HLF: variants seen among roughly 807,000 people sequenced by gnomAD.
The protein encoded by HLF is HLF transcription factor, PAR bZIP family member, also known as hepatic leukemia factor.
HLF carries 3 observed loss-of-function variants against 22.6 expected under a neutral mutation model. The observed-to-expected ratio is 0.13, with a 90% CI of 0.06 to 0.34. The LOEUF is 0.34. Among genes scored for constraint, HLF ranks in the 10% least tolerant of loss-of-function variants. The pLI, the probability that HLF is intolerant of heterozygous loss-of-function variation, is 1.00. For missense variants in HLF, 299 were observed against 389.2 expected, an observed-to-expected ratio of 0.77 and a Z score of 1.95; for synonymous variants, 151 against 151.8, an observed-to-expected ratio of 0.99 and a Z score of 0.04.
intron 2 of HLF, among the ~76,000 whole-genome samples, chr17:55,294,628 A>G (rs944627637): frequency 6.6e-6 from 1 of 152,180 alleles, no homozygotes; most frequent in African/African-American, 2.4e-5. Context: ...CCATGTGGGG[A>G]TGTGGCCTCT....
rs575718156 is a variant in HLF at position 55,312,353 on chromosome 17, A to T, written c.452-2874A>T. Among the ~76,000 whole-genome samples, 30 of 152,294 alleles carry T rather than the reference A, an allele frequency of 2.0e-4. No homozygotes were observed. In the South Asian group the frequency reaches 4.8e-3, roughly 24 times the overall value. The stretch of plus-strand genomic sequence containing the variant: ...GTTATTTCTTGACTTTTTAATAGCC[A>T]TTCTGGCAGTATGTTTAAAAATATA... On this transcript the variant is annotated intron_variant, in intron 2 of 3. Coordinates refer to ENST00000226067, the MANE Select transcript of HLF (RefSeq NM_002126.5).
In HLF at chr17:55,265,429, G is replaced by A. The variant is rs889798803; in HGVS notation, c.-56G>A. The A allele has an allele frequency of 1.4e-6, 1 of 725,040 alleles. No homozygotes were observed. The allele number at this position is 725,040 out of a possible 1,614,324, so 44.9% of individuals were successfully genotyped here. A position where few individuals can be genotyped will look rare whatever the true frequency, so the allele number is the denominator to read the frequency against. On this transcript the variant is annotated 5_prime_UTR_variant, in exon 1 of 4. Coordinates refer to ENST00000226067, the MANE Select transcript of HLF (RefSeq NM_002126.5). Reference sequence around the variant, plus strand: ...GAAAAGCTCAGCAACATTTTAGGGGGCGGTTGTTTCTTTCTTATTTCTTTT... The same window carrying A: ...GAAAAGCTCAGCAACATTTTAGGGGACGGTTGTTTCTTTCTTATTTCTTTT...
chr17:55,297,810 C>T (rs1298022727), intron 2 of HLF, among the ~76,000 whole-genome samples: 8 of 127,754 alleles, frequency 6.3e-5, no homozygotes, highest in African/African-American at 1.9e-4. Flanking sequence ...AGTGCAATGG[C>T]GCGACCTCAG....
chr17:55,293,918 C>G (rs1379381997), intron 2 of HLF, among the ~76,000 whole-genome samples: 2 of 152,166 alleles, frequency 1.3e-5, no homozygotes, highest in East Asian at 3.9e-4. Context: ...ATATGCACCT[C>G]TGGGGAGGCC....
intron 2 of HLF, among the ~76,000 whole-genome samples, chr17:55,284,228 A>G: frequency 6.6e-6 from 1 of 152,220 alleles, no homozygotes; most frequent in South Asian, 2.1e-4. Flanking sequence ...ATAATCAACC[A>G]GTTGCAATTT....
chr17:55,299,015 A>T (rs1252233485), intron 2 of HLF, among the ~76,000 whole-genome samples: 1 of 152,214 alleles, frequency 6.6e-6, no homozygotes, highest in African/African-American at 2.4e-5. Flanking sequence ...TCTTCCCATG[A>T]TACCTCATCA....
At chr17:55,295,836 CA>C (rs2081107194) in intron 2 of HLF, among the ~76,000 whole-genome samples, 1 of 152,182 alleles carries the variant, frequency 6.6e-6, no homozygotes, top group African/African-American at 2.4e-5. Context: ...GAAAAGACAA[CA>C]GGGAAATAGC....
At chr17:55,279,570 C>T (rs1462268878) in intron 2 of HLF, among the ~76,000 whole-genome samples, 1 of 151,786 alleles carries the variant, frequency 6.6e-6, no homozygotes, top group Non-Finnish European at 1.5e-5. Context: ...CCCATCTCTA[C>T]ATTATATATA....
intron 2 of HLF, among the ~76,000 whole-genome samples, chr17:55,293,558 A>G (rs2081085659): frequency 6.6e-6 from 1 of 152,200 alleles, no homozygotes; most frequent in Non-Finnish European, 1.5e-5. Flanking sequence ...TGAGGTTTAT[A>G]TGTGTTATAT....
At chr17:55,301,713 A>G (rs1231127987) in intron 2 of HLF, among the ~76,000 whole-genome samples, 1 of 152,224 alleles carries the variant, frequency 6.6e-6, no homozygotes, top group Admixed American at 6.5e-5. Context: ...ATTTCAGACC[A>G]GGAGGCAATG....
At chr17:55,316,416 T>A (rs1905067187) in intron 3 of HLF, among the ~76,000 whole-genome samples, 1 of 152,198 alleles carries the variant, frequency 6.6e-6, no homozygotes. Context: ...TGAGACAACG[T>A]CTGAACTGGC....
chr17:55,313,755 A>T (rs1904946509), intron 2 of HLF, among the ~76,000 whole-genome samples: 1 of 152,180 alleles, frequency 6.6e-6, no homozygotes, highest in Non-Finnish European at 1.5e-5. Flanking sequence ...GCTGAGCTAC[A>T]GCTTGGCTAA....
chr17:55,270,018 G>A (rs1303762950), intron 2 of HLF, among the ~76,000 whole-genome samples: 1 of 152,180 alleles, frequency 6.6e-6, no homozygotes, highest in African/African-American at 2.4e-5. Context: ...GTCAAAAATT[G>A]GGGTTTTGGG....
Position 55,268,052 on chromosome 17 carries a change from A to G in HLF, c.417A>G (p.Pro139=), listed in dbSNP as rs1479407938. The G allele has an allele frequency of 1.9e-6, 3 of 1,592,186 alleles. No individual in the cohort carries two copies. Among genetic ancestry groups the G allele is most frequent in the African/African-American group, 1.3e-5 (1 of 74,426 alleles). ...CTGCACCCCTTCACCCTGGCATCCC[A>G]TCTCCGAACTGTATGCAGAGCCCCA... ...RASAPLHPGI[P]SPNCMQSPIR... The change falls in exon 2 of 4, where the codon CCA becomes CCG. Residue 139 remains proline (P), a synonymous_variant. Transcript: ENST00000226067.
intron 3 of HLF, among the ~76,000 whole-genome samples, chr17:55,319,693 G>C (rs994270186): frequency 6.6e-6 from 1 of 151,784 alleles, no homozygotes; most frequent in African/African-American, 2.4e-5. Flanking sequence ...ACCAATATGA[G>C]TACATTGATT....
At position 55,319,759 on chromosome 17, in the gene HLF, T is replaced by A. The variant is rs563768383; in HGVS notation, c.673-905T>A. Among the ~76,000 whole-genome samples, 351 of 152,262 alleles carry A rather than the reference T, an allele frequency of 2.3e-3. 2 individuals are homozygous for A. Among genetic ancestry groups the A allele is most frequent in the Middle Eastern group, 0.02 (6 of 294 alleles). On this transcript the variant is annotated intron_variant, in intron 3 of 3. Coordinates refer to ENST00000226067, the MANE Select transcript of HLF (RefSeq NM_002126.5). ...TTCTATTTTTAATTACCAAAGTGTA[T>A]GTATCTATTATATGATATTGTAATA...
At chr17:55,294,178 C>T (rs1265876032) in intron 2 of HLF, among the ~76,000 whole-genome samples, 8 of 152,126 alleles carry the variant, frequency 5.3e-5, no homozygotes, top group African/African-American at 1.7e-4. Context: ...GTGCTAAACC[C>T]ACGGCACAGT....
At chr17:55,303,811 G>C (rs572197929) in intron 2 of HLF, among the ~76,000 whole-genome samples, 1 of 152,296 alleles carries the variant, frequency 6.6e-6, no homozygotes, top group African/African-American at 2.4e-5. Context: ...ACGTGTGGCG[G>C]AAGTTCTGGC....
In HLF at chr17:55,325,013, C is replaced by T. The variant is rs908432219; in HGVS notation, c.*4134C>T. 1 of 225,688 alleles carries T rather than the reference C, an allele frequency of 4.4e-6. No homozygotes were observed. The highest frequency in any genetic ancestry group is 2.2e-5 in the African/African-American group (1 of 44,830). 14.0% of individuals were successfully genotyped at this position (225,688 alleles called of 1,614,324 possible). ...GGTATTTATGCTGTTAAGTCCAAAC[C>T]TTTATCTGTCTGTTATTCTTAATGT... On this transcript the variant is annotated 3_prime_UTR_variant, in exon 4 of 4. Transcript: ENST00000226067.
Sources: gnomAD v4.1 joint callset for allele counts (sites outside exome capture counted in the v4.1 genomes callset) on GRCh38, gnomAD v4.1.1 for gene constraint, MANE v1.5 for transcripts, NCBI Gene and HGNC (gene_info 2026-07-23, HGNC 2026-07-21) for gene names.